Variants in ACACB observed in about 807,000 individuals in gnomAD.
ACACB encodes the protein acetyl-CoA carboxylase 2.
Under a neutral mutation model 278.8 loss-of-function variants are expected in ACACB, and 209 were observed. That is an observed-to-expected ratio of 0.75 (90% CI 0.67 to 0.84). The LOEUF is 0.84. ACACB is among the 40% of genes least tolerant of loss of function. The probability of loss-of-function intolerance (pLI) is 0.00; values close to 1 mark genes in which losing one functional copy is unlikely to be tolerated. For missense variants in ACACB, 2,850 were observed against 3,269.0 expected (o/e 0.87, Z 3.13); for synonymous variants, 1,174 against 1,285.6 (o/e 0.91, Z 1.86).
At chr12:109,198,863 C>T (rs969360345) in intron 17 of ACACB, among the ~76,000 whole-genome samples, 2 of 151,890 alleles carry the variant, frequency 1.3e-5, no homozygotes, top group Non-Finnish European at 2.9e-5. Flanking sequence ...TGGCCTCAAG[C>T]CATCCTCCCA....
intron 1 of ACACB, among the ~76,000 whole-genome samples, chr12:109,118,689 C>T (rs1418605905): frequency 3.9e-5 from 6 of 152,104 alleles, no homozygotes; most frequent in African/African-American, 9.7e-5. Flanking sequence ...GCTGGGATTA[C>T]GGGCATGAGC....
intron 45 of ACACB, 72 bp downstream of exon 45, chr12:109,256,308 A>G (rs2047223401): frequency 8.7e-7 from 1 of 1,144,754 alleles, no homozygotes; most frequent in Non-Finnish European, 1.3e-6. Flanking sequence ...GTGTGAGGCC[A>G]GGGACCTCCA....
intron 1 of ACACB, among the ~76,000 whole-genome samples, chr12:109,137,463 C>T (rs1156862284): frequency 6.6e-6 from 1 of 152,016 alleles, no homozygotes; most frequent in East Asian, 1.9e-4. Context: ...AGTTAGACAC[C>T]AGCCTAGCCA....
intron 24 of ACACB, among the ~76,000 whole-genome samples, chr12:109,218,454 G>A (rs887192972): frequency 2.6e-5 from 4 of 152,036 alleles, no homozygotes; most frequent in Admixed American, 6.6e-5. Flanking sequence ...GAACTCCCGC[G>A]CTCAAGCAAT....
intron 27 of ACACB, 76 bp downstream of exon 27, chr12:109,223,980 C>A: frequency 8.1e-7 from 1 of 1,241,982 alleles, no homozygotes; most frequent in South Asian, 1.2e-5. Flanking sequence ...TGCACCTGAC[C>A]CTAGGCCACA....
intron 1 of ACACB, among the ~76,000 whole-genome samples, chr12:109,134,558 C>T (rs763411093): frequency 6.6e-6 from 1 of 152,158 alleles, no homozygotes; most frequent in Non-Finnish European, 1.5e-5. Flanking sequence ...TTTCAGGACT[C>T]GGACCTTTCT....
At chr12:109,217,638 A>G (rs1179144425) in intron 24 of ACACB, among the ~76,000 whole-genome samples, 4 of 152,182 alleles carry the variant, frequency 2.6e-5, no homozygotes, top group African/African-American at 7.2e-5. Flanking sequence ...CATCTCTACA[A>G]AAAGTACAAA....
intron 2 of ACACB, among the ~76,000 whole-genome samples, chr12:109,157,272 G>GTTGTTA (rs148495637): frequency 8.4e-5 from 12 of 143,184 alleles, no homozygotes; most frequent in African/African-American, 2.6e-4. Flanking sequence ...TTCTAGAGTT[G>GTTGTTA]TTATTATTAT....
chr12:109,172,187 G>A lies in ACACB; in HGVS notation c.1036-88G>A, dbSNP rs992713422. Reference sequence around the variant, plus strand: ...TCCTCCTGCCTTGGCCTCCCAAACTGCTGGGGTTATAGGCGTGAGTTACTG... The same window carrying A: ...TCCTCCTGCCTTGGCCTCCCAAACTACTGGGGTTATAGGCGTGAGTTACTG... On this transcript the variant is annotated intron_variant, in intron 5 of 52. Coordinates refer to ENST00000338432, the MANE Select transcript of ACACB (RefSeq NM_001093.4). 16 of 1,305,452 alleles carry A rather than the reference G, an allele frequency of 1.2e-5. No homozygotes were observed. The Admixed American group carries it at 2.9e-4, about 23-fold the overall frequency. 80.9% of individuals were successfully genotyped at this position (1,305,452 alleles called of 1,614,324 possible). A position where few individuals can be genotyped will look rare whatever the true frequency, so the allele number is the denominator to read the frequency against.
At chr12:109,178,776 G>A (rs539517451) in intron 9 of ACACB, among the ~76,000 whole-genome samples, 31 of 152,318 alleles carry the variant, frequency 2.0e-4, no homozygotes, top group African/African-American at 7.0e-4. Flanking sequence ...ATAGGGTGGT[G>A]CTGGAGGAGG....
In ACACB at chr12:109,265,436, G is replaced by A. The variant is rs2047491791; in HGVS notation, c.7161G>A (p.Gln2387=). 1.2e-6 allele frequency: 2 copies of A among 1,613,474 alleles called. No individual in the cohort carries two copies. The highest frequency in any genetic ancestry group is 1.7e-6 in the Non-Finnish European group (2 of 1,179,820). ...NNQVVVQWLE[Q]HWQAGDGPRS... ...AGGTGGTTGTGCAGTGGCTGGAACA[G>A]CACTGGCAGGCAGGGGATGGCCCGC... The change falls in exon 52 of 53, where the codon CAG becomes CAA. Residue 2387 remains glutamine (Q), a synonymous_variant. Coordinates refer to ENST00000338432, the MANE Select transcript of ACACB (RefSeq NM_001093.4).
intron 13 of ACACB, among the ~76,000 whole-genome samples, chr12:109,188,924 C>T (rs148926065): frequency 2.9e-4 from 44 of 152,172 alleles, no homozygotes; most frequent in African/African-American, 8.4e-4. Context: ...TATTTCACAC[C>T]GAAGACTAAA....
chr12:109,265,680 C>G (rs557308760), intron 52 of ACACB, among the ~76,000 whole-genome samples, 155 bp downstream of exon 52: 1 of 152,342 alleles, frequency 6.6e-6, no homozygotes, highest in African/African-American at 2.4e-5. Flanking sequence ...GCAAAGAGAC[C>G]ACACTCCCTA....
chr12:109,179,821 C>T, intron 10 of ACACB, 96 bp from the exon 11 acceptor site: 17 of 1,382,100 alleles, frequency 1.2e-5, no homozygotes, highest in Non-Finnish European at 1.7e-5. Context: ...GTAGCAGGTG[C>T]TCAGTCTGCA....
At chr12:109,246,676 G>A (rs1464693108) in intron 39 of ACACB, among the ~76,000 whole-genome samples, 1 of 152,238 alleles carries the variant, frequency 6.6e-6, no homozygotes, top group Non-Finnish European at 1.5e-5. Context: ...CCTTAACGGG[G>A]ATAATGAAAA....
At chr12:109,121,317 C>T (rs2042543663) in intron 1 of ACACB, among the ~76,000 whole-genome samples, 1 of 152,108 alleles carries the variant, frequency 6.6e-6, no homozygotes, top group South Asian at 2.1e-4. Context: ...ACTGGAGTTA[C>T]AAAAGAACCC....
Position 109,245,609 on chromosome 12 carries a change from T to C in ACACB, c.5179-17T>C. On this transcript the variant is annotated splice_polypyrimidine_tract_variant and intron_variant, in intron 37 of 52. Transcript: ENST00000338432. ...CTGATGACTTCAAGTTTTTTCTCTT[T>C]CCTCTTCTCTCCCCAGGCTCTCTTT... 1.2e-6 allele frequency: 2 copies of C among 1,610,158 alleles called. No homozygotes were observed. Among genetic ancestry groups the C allele is most frequent in the Non-Finnish European group, 1.7e-6 (2 of 1,178,866 alleles).
At chr12:109,148,792 A>ATG (rs1339097917) in intron 2 of ACACB, among the ~76,000 whole-genome samples, 2 of 151,824 alleles carry the variant, frequency 1.3e-5, no homozygotes, top group Admixed American at 6.6e-5. Flanking sequence ...TGCCTAATAA[A>ATG]TGTGTGTGTG....
intron 11 of ACACB, among the ~76,000 whole-genome samples, chr12:109,180,775 A>G (rs1424974697): frequency 1.3e-5 from 2 of 152,100 alleles, no homozygotes; most frequent in African/African-American, 4.8e-5. Flanking sequence ...ATGGGTATCC[A>G]TCCCCCTCCA....
Sources: gnomAD v4.1 joint callset for allele counts (sites outside exome capture counted in the v4.1 genomes callset) on GRCh38, gnomAD v4.1.1 for gene constraint, MANE v1.5 for transcripts, NCBI Gene and HGNC (gene_info 2026-07-23, HGNC 2026-07-21) for gene names.